Variants in ADAMTS17 observed in about 807,000 individuals in gnomAD.
ADAMTS17 encodes A disintegrin and metalloproteinase with thrombospondin motifs 17.
ADAMTS17 carries 113 observed loss-of-function variants against 141.5 expected under a neutral mutation model. That is an observed-to-expected ratio of 0.80 (90% confidence interval 0.69 to 0.93). The LOEUF is 0.93. Among genes scored for constraint, ADAMTS17 ranks in the 40% least tolerant of loss-of-function variants. The pLI, the probability that ADAMTS17 is intolerant of heterozygous loss-of-function variation, is 0.00. For synonymous variants in ADAMTS17, 768 were observed against 630.6 expected (o/e 1.22, Z -3.27); for missense variants, 1,659 against 1,517.9 (o/e 1.09, Z -1.54).
At chr15:100,332,384 A>G (rs75028099) in intron 2 of ADAMTS17, among the ~76,000 whole-genome samples, 77 of 152,362 alleles carry the variant, frequency 5.1e-4, no homozygotes, top group Non-Finnish European at 9.0e-4. Context: ...TGCCGCAGTC[A>G]AGAAAGAGTG....
At chr15:100,287,811 T>G (rs916617311) in intron 3 of ADAMTS17, among the ~76,000 whole-genome samples, 11 of 152,202 alleles carry the variant, frequency 7.2e-5, no homozygotes, top group Admixed American at 7.2e-4. Context: ...AAGCAAATGC[T>G]AAGGGAATTT....
intron 15 of ADAMTS17, among the ~76,000 whole-genome samples, chr15:100,065,346 C>A (rs1378677579): frequency 6.6e-6 from 1 of 152,012 alleles, no homozygotes; most frequent in East Asian, 1.9e-4. Flanking sequence ...GTACAAAATT[C>A]AAAAATTATA....
intron 8 of ADAMTS17, among the ~76,000 whole-genome samples, chr15:100,155,781 C>T (rs1471586544): frequency 6.6e-6 from 1 of 152,204 alleles, no homozygotes; most frequent in African/African-American, 2.4e-5. Flanking sequence ...CTAAGCCTTC[C>T]AACTCATTAC....
At chr15:100,307,909 C>A (rs1348595499) in intron 3 of ADAMTS17, among the ~76,000 whole-genome samples, 14 of 152,170 alleles carry the variant, frequency 9.2e-5, no homozygotes, top group Admixed American at 9.2e-4. Flanking sequence ...CCAATCATCA[C>A]AAATCTGCCC....
At chr15:100,173,412 C>T (rs1467057928) in intron 8 of ADAMTS17, among the ~76,000 whole-genome samples, 1 of 152,048 alleles carries the variant, frequency 6.6e-6, no homozygotes, top group Non-Finnish European at 1.5e-5. Flanking sequence ...TTCTGGACAC[C>T]CTCACAAACT....
chr15:100,332,916 C>T (rs535560215), intron 2 of ADAMTS17, among the ~76,000 whole-genome samples: 24 of 152,186 alleles, frequency 1.6e-4, no homozygotes, highest in Non-Finnish European at 2.5e-4. Flanking sequence ...AGGGGTTGTA[C>T]AGGGCCCTCA....
At chr15:100,260,220 T>C (rs1019928879) in intron 6 of ADAMTS17, among the ~76,000 whole-genome samples, 1 of 152,182 alleles carries the variant, frequency 6.6e-6, no homozygotes, top group Non-Finnish European at 1.5e-5. Flanking sequence ...CTTCCCCAGA[T>C]GACTGAGACG....
intron 8 of ADAMTS17, among the ~76,000 whole-genome samples, chr15:100,177,525 A>G (rs2141505596): frequency 6.6e-6 from 1 of 152,306 alleles, no homozygotes; most frequent in Admixed American, 6.5e-5. Flanking sequence ...CACGATCTCA[A>G]TTCTTTTAAA....
chr15:100,326,914 G>T (rs1324662672), intron 3 of ADAMTS17, among the ~76,000 whole-genome samples: 1 of 152,212 alleles, frequency 6.6e-6, no homozygotes, highest in East Asian at 1.9e-4. Flanking sequence ...TGAAGCTTGG[G>T]TAAGTGTTAC....
chr15:100,140,144 C>A (rs1048958214), intron 10 of ADAMTS17, among the ~76,000 whole-genome samples: 3 of 151,912 alleles, frequency 2.0e-5, no homozygotes, highest in Non-Finnish European at 2.9e-5. Context: ...TACAGGCATG[C>A]GCCACCATGC....
chr15:100,183,763 A>T (rs1460022145), intron 8 of ADAMTS17, among the ~76,000 whole-genome samples: 1 of 152,232 alleles, frequency 6.6e-6, no homozygotes, highest in Non-Finnish European at 1.5e-5. Context: ...GCAGCAAGCC[A>T]TCACACTGTT....
At chr15:100,203,881 G>A (rs1378865556) in intron 7 of ADAMTS17, among the ~76,000 whole-genome samples, 1 of 150,738 alleles carries the variant, frequency 6.6e-6, no homozygotes, top group Non-Finnish European at 1.5e-5. Flanking sequence ...CTGGGTGACA[G>A]ACCAAGACTC....
At chr15:100,190,076 C>T (rs2040862591) in intron 8 of ADAMTS17, among the ~76,000 whole-genome samples, 1 of 152,242 alleles carries the variant, frequency 6.6e-6, no homozygotes, top group Non-Finnish European at 1.5e-5. Context: ...GCCCTCTCAA[C>T]ACTGCAGAAG....
At chr15:100,152,975 A>AAGAGAATACATGCCTGGG (rs200941441) in intron 9 of ADAMTS17, among the ~76,000 whole-genome samples, 2 of 151,258 alleles carry the variant, frequency 1.3e-5, no homozygotes, top group East Asian at 1.9e-4. Flanking sequence ...TTCGCTCTGA[A>AAGAGAATACATGCCTGGG]GGTAGTAAGA....
At chr15:100,287,484 T>C (rs367647715) in intron 3 of ADAMTS17, among the ~76,000 whole-genome samples, 1 of 151,974 alleles carries the variant, frequency 6.6e-6, no homozygotes, top group African/African-American at 2.4e-5. Flanking sequence ...TCCATGAAAA[T>C]TCCCCCAACC....
At chr15:100,270,037 C>T (rs1467023227) in intron 4 of ADAMTS17, among the ~76,000 whole-genome samples, 1 of 152,190 alleles carries the variant, frequency 6.6e-6, no homozygotes, top group Non-Finnish European at 1.5e-5. Flanking sequence ...TGCATGACGC[C>T]AGTTTTCTCT....
chr15:100,100,273 C>T (rs960533187), intron 14 of ADAMTS17, among the ~76,000 whole-genome samples: 4 of 152,218 alleles, frequency 2.6e-5, no homozygotes, highest in African/African-American at 7.2e-5. Flanking sequence ...CTTGCTTCTT[C>T]GACTCCGTGA....
At chr15:100,030,618 C>T (rs1400324588) in intron 18 of ADAMTS17, among the ~76,000 whole-genome samples, 3 of 152,162 alleles carry the variant, frequency 2.0e-5, no homozygotes, top group East Asian at 3.9e-4. Context: ...TACCCCCATC[C>T]TGCTGATGAT....
chr15:100,146,065 C>T (rs1038950487), intron 10 of ADAMTS17, among the ~76,000 whole-genome samples: 21 of 152,130 alleles, frequency 1.4e-4, no homozygotes, highest in Admixed American at 1.2e-3. Flanking sequence ...CACAGCTACT[C>T]GGGAGGCTGA....
Sources: allele counts gnomAD v4.1 joint callset (sites outside exome capture counted in the v4.1 genomes callset), GRCh38; gene constraint gnomAD v4.1.1; transcripts MANE v1.5; gene names NCBI Gene and HGNC (gene_info 2026-07-23, HGNC 2026-07-21).